The following SLC51A variants were observed in gnomAD, a reference collection of about 807,000 sequenced individuals.
SLC51A encodes the protein solute carrier family 51 member A.
Under a neutral mutation model 34.8 loss-of-function variants are expected in SLC51A, and 22 were observed. The ratio of observed to expected loss-of-function variants is 0.63; its 90% CI spans 0.45 to 0.90. The LOEUF (loss-of-function observed/expected upper bound fraction) is 0.90. SLC51A is among the 40% of genes least tolerant of loss of function. SLC51A has a pLI of 0.00. For synonymous variants in SLC51A, 181 were observed against 176.3 expected (o/e 1.03, Z -0.21); for missense variants, 371 against 414.8 (o/e 0.89, Z 0.92).
intron 2 of SLC51A, chr3:196,226,473 G>C (rs1277657732): frequency 6.6e-6 from 1 of 152,606 alleles, no homozygotes; most frequent in Non-Finnish European, 1.5e-5. Context: ...CCTGGCACTG[G>C]AGATAGAAAA....
intron 8 of SLC51A, 108 bp from the exon 9 acceptor site, chr3:196,232,954 TG>T (rs1724059078): frequency 8.9e-7 from 1 of 1,124,768 alleles, no homozygotes; most frequent in Non-Finnish European, 1.3e-6. Context: ...AGTCCTGATT[TG>T]GGGATAAACT....
chr3:196,226,898 G>T lies in SLC51A; in HGVS notation c.134-67G>T, dbSNP rs549316964. 15 of 1,496,750 alleles carry T rather than the reference G, an allele frequency of 1.0e-5. No homozygotes were observed. In the South Asian group the frequency reaches 1.2e-4, roughly 12 times the overall value. The allele number at this position is 1,496,750 out of a possible 1,614,324, so 92.7% of individuals were successfully genotyped here. A position where few individuals can be genotyped will look rare whatever the true frequency, so the allele number is the denominator to read the frequency against. On this transcript the variant is annotated intron_variant, in intron 2 of 8. Coordinates refer to ENST00000296327, the MANE Select transcript of SLC51A (RefSeq NM_152672.6). ...AGATCCAGTAAGGCAATTTCGATCC[G>T]AGGAACAAGCCCAGGCCTTCTCCCG...
intron 6 of SLC51A, 142 bp from the exon 7 acceptor site, chr3:196,229,773 G>C: frequency 1.1e-5 from 10 of 915,940 alleles, no homozygotes; most frequent in Non-Finnish European, 1.5e-5. Flanking sequence ...GGGATCACTG[G>C]AGCCAGGAGT....
rs374075282 is a variant in SLC51A at position 196,216,680 on chromosome 3, G to A, written c.-33G>A. On this transcript the variant is annotated 5_prime_UTR_variant, in exon 1 of 9. Transcript: ENST00000296327. This position sits in a 1 kb window ranked among gnomAD's most constrained non-coding sequence, Gnocchi z 4.5. ...CGCCCCGCCTGCCCTTCCTCACCCC[G>A]GTGCCTGCGGGATTGCTGGAGAGAA... is the stretch of plus-strand genomic sequence containing the variant. The A allele has an allele frequency of 1.8e-5, 26 of 1,459,680 alleles. No homozygotes were observed. The Middle Eastern group carries it at 7.4e-4, about 42-fold the overall frequency. 90.4% of individuals were successfully genotyped at this position (1,459,680 alleles called of 1,614,324 possible).
intron 2 of SLC51A, among the ~76,000 whole-genome samples, chr3:196,218,268 A>T (rs1344020034): frequency 6.6e-6 from 1 of 152,220 alleles, no homozygotes; most frequent in Non-Finnish European, 1.5e-5. Context: ...ATGGTGCCCA[A>T]GTGGTCCAAG....
intron 2 of SLC51A, among the ~76,000 whole-genome samples, chr3:196,221,799 T>C (rs1723763416): frequency 2.7e-5 from 4 of 150,820 alleles, no homozygotes; most frequent in Non-Finnish European, 1.5e-5. Flanking sequence ...CACTACAAGC[T>C]CCGCCTCCCA....
chr3:196,223,943 T>A (rs1245426047), intron 2 of SLC51A: 2 of 366,648 alleles, frequency 5.5e-6, no homozygotes, highest in Non-Finnish European at 5.1e-6. Flanking sequence ...CAATGCAACC[T>A]CCACCTCCCA....
intron 7 of SLC51A, 158 bp downstream of exon 7, chr3:196,230,219 T>C (rs1387677844): frequency 3.9e-6 from 3 of 767,482 alleles, no homozygotes; most frequent in Non-Finnish European, 5.8e-6. Flanking sequence ...TGCTTCCCGC[T>C]TTTGTCTTTC....
Position 196,228,531 on chromosome 3 carries a change from T to G in SLC51A, c.521+258T>G. ...ACAGAGAAAACTGGACTTGGGGCCA[T>G]TCGCTTGCCCCTTCTGCCCACTTTG... On this transcript the variant is annotated intron_variant, in intron 5 of 8. Transcript: ENST00000296327. This position sits in a 1 kb window ranked among gnomAD's most constrained non-coding sequence, Gnocchi z 4.9. 9.9e-6 allele frequency: 6 copies of G among 608,142 alleles called. No homozygotes were observed. The allele number at this position is 608,142 out of a possible 1,614,324, so 37.7% of individuals were successfully genotyped here.
At chr3:196,219,857 G>A (rs927782404) in intron 2 of SLC51A, among the ~76,000 whole-genome samples, 4 of 152,238 alleles carry the variant, frequency 2.6e-5, no homozygotes, top group African/African-American at 9.6e-5. Flanking sequence ...TAGTGCTCAG[G>A]TTGAGAAACC....
At chr3:196,225,929 A>C (rs1193743578) in intron 2 of SLC51A, 2 of 152,194 alleles carry the variant, frequency 1.3e-5, no homozygotes, top group African/African-American at 4.8e-5. Context: ...GAAAGTTTGA[A>C]AACCTTGGAC....
intron 7 of SLC51A, among the ~76,000 whole-genome samples, chr3:196,232,011 C>T (rs56875789): frequency 0.33 from 50,062 of 151,972 alleles, 8,954 homozygotes; most frequent in East Asian, 0.75. Context: ...GGCAGAGCTT[C>T]CAAAGGGCAT....
intron 2 of SLC51A, among the ~76,000 whole-genome samples, chr3:196,224,460 C>T (rs1423996580): frequency 1.3e-5 from 2 of 150,582 alleles, no homozygotes; most frequent in African/African-American, 2.4e-5. Flanking sequence ...TTTGGGAGGC[C>T]GAGGTGGGCG....
intron 7 of SLC51A, 77 bp from the exon 8 acceptor site, chr3:196,232,342 C>A (rs1724044748): frequency 8.7e-7 from 1 of 1,147,684 alleles, no homozygotes; most frequent in Non-Finnish European, 1.3e-6. Context: ...AAGGGCAAGG[C>A]CCGGCAGTGG....
intron 6 of SLC51A, among the ~76,000 whole-genome samples, chr3:196,229,561 G>C (rs1723982170): frequency 6.6e-6 from 1 of 151,606 alleles, no homozygotes; most frequent in South Asian, 2.1e-4. Flanking sequence ...ATTTTTCATA[G>C]AGATGGGGTT....
In SLC51A at chr3:196,216,959, G is replaced by T. The variant is rs772835142; in HGVS notation, c.38+209G>T. 6.6e-6 allele frequency among the ~76,000 whole-genome samples: 1 copy of T among 152,240 alleles called. No homozygotes were observed. The highest frequency in any genetic ancestry group is 1.5e-5 in the Non-Finnish European group (1 of 68,044). On this transcript the variant is annotated intron_variant, in intron 1 of 8. Coordinates refer to ENST00000296327, the MANE Select transcript of SLC51A (RefSeq NM_152672.6). The surrounding 1 kb of genome is among the most constrained non-coding windows in gnomAD (Gnocchi z 4.5). ...CAGGGCCTCGGCCTTGCCCCCCAGC[G>T]TGGGGAGAGAAAGGTCGCAGAGCGG... is the stretch of plus-strand genomic sequence containing the variant.
At chr3:196,219,025 A>C (rs1723668519) in intron 2 of SLC51A, among the ~76,000 whole-genome samples, 1 of 152,172 alleles carries the variant, frequency 6.6e-6, no homozygotes, top group African/African-American at 2.4e-5. Context: ...CAGAAGTTGG[A>C]GACCAGCCTG....
intron 2 of SLC51A, among the ~76,000 whole-genome samples, chr3:196,222,589 C>G (rs113671026): frequency 3.3e-5 from 5 of 150,862 alleles, no homozygotes; most frequent in African/African-American, 7.3e-5. Context: ...AAGCCGAGAT[C>G]GCGCCACTGC....
rs113506943 is a variant in SLC51A, at chr3:196,216,807, G to A, written c.38+57G>A. On this transcript the variant is annotated intron_variant, in intron 1 of 8. Transcript: ENST00000296327. The surrounding 1 kb of genome is among the most constrained non-coding windows in gnomAD (Gnocchi z 4.5). ...GCTGGGCAGCGGTGGCCCCTATCCCGCGGCCTGTCCTCTCTCCCTCCCAGA... is the reference window on the plus strand; with the variant it reads ...GCTGGGCAGCGGTGGCCCCTATCCCACGGCCTGTCCTCTCTCCCTCCCAGA... 4.4e-4 allele frequency: 670 copies of A among 1,517,240 alleles called. 5 individuals carry two copies. The African/African-American group carries it at 7.6e-3, about 17-fold the overall frequency. 94.0% of individuals were successfully genotyped at this position (1,517,240 alleles called of 1,614,324 possible).
Sources: gnomAD v4.1 joint callset for allele counts (sites outside exome capture counted in the v4.1 genomes callset) on GRCh38, gnomAD v4.1.1 for gene constraint, Gnocchi (gnomAD v3.1) non-coding constraint, MANE v1.5 for transcripts, NCBI Gene and HGNC (gene_info 2026-07-23, HGNC 2026-07-21) for gene names.